CYP3A7: variants seen among roughly 807,000 people sequenced by gnomAD.
The protein encoded by CYP3A7 is cytochrome P450 family 3 subfamily A member 7.
CYP3A7 carries 45 observed loss-of-function variants against 55.2 expected under a neutral mutation model. The ratio of observed to expected loss-of-function variants is 0.82; its 90% CI spans 0.64 to 1.05. The LOEUF (loss-of-function observed/expected upper bound fraction) is 1.05, where lower values mean the gene tolerates loss of function less well. CYP3A7 is among the 50% of genes least tolerant of loss of function. The pLI is 0.00. For synonymous variants in CYP3A7, 180 were observed against 207.4 expected (o/e 0.87, Z 1.13); for missense variants, 548 against 605.3 (o/e 0.91, Z 0.99).
At chr7:99,713,403 A>G (rs1170923021) in intron 9 of CYP3A7, 66 bp downstream of exon 9, 2 of 1,606,696 alleles carry the variant, frequency 1.2e-6, no homozygotes, top group African/African-American at 1.3e-5. Flanking sequence ...CTTCCTGCAC[A>G]TTTTCAGAAC....
At chr7:99,711,726 C>G (rs1025319088) in intron 9 of CYP3A7, among the ~76,000 whole-genome samples, 3 of 152,168 alleles carry the variant, frequency 2.0e-5, no homozygotes, top group African/African-American at 7.2e-5. Context: ...TGAGATCATG[C>G]CATTGCACTC....
At chr7:99,725,631 G>C (rs368764344) in intron 2 of CYP3A7, among the ~76,000 whole-genome samples, 5 of 152,344 alleles carry the variant, frequency 3.3e-5, no homozygotes, top group African/African-American at 1.2e-4. Flanking sequence ...TCCAATTAGA[G>C]GTTGGACTGT....
chr7:99,708,035 G>A, intron 11 of CYP3A7, 61 bp from the exon 12 acceptor site: 1 of 1,611,800 alleles, frequency 6.2e-7, no homozygotes, highest in South Asian at 1.1e-5. Flanking sequence ...AGAGTTACAT[G>A]TTAGGGTTTC....
intron 11 of CYP3A7, 29 bp downstream of exon 11, chr7:99,709,006 G>T (rs1301749178): frequency 6.2e-7 from 1 of 1,613,344 alleles, no homozygotes; most frequent in Non-Finnish European, 8.5e-7. Context: ...GCTGGTTCAG[G>T]GAGGGCTCCC....
chr7:99,718,530 A>G (rs565597774), intron 4 of CYP3A7, among the ~76,000 whole-genome samples: 7 of 152,282 alleles, frequency 4.6e-5, no homozygotes, highest in South Asian at 2.1e-4. Context: ...AGGGAGAGAA[A>G]ATTCCTCCAT....
At chr7:99,723,603 G>C (rs1475392519) in intron 2 of CYP3A7, among the ~76,000 whole-genome samples, 1 of 152,212 alleles carries the variant, frequency 6.6e-6, no homozygotes, top group South Asian at 2.1e-4. Flanking sequence ...GGGACAGGGG[G>C]ACTCCTTCGG....
At chr7:99,709,788 G>GTA (rs1554428994) in intron 10 of CYP3A7, among the ~76,000 whole-genome samples, 11 of 150,326 alleles carry the variant, frequency 7.3e-5, no homozygotes, top group East Asian at 5.8e-4. Flanking sequence ...GTGTGTGTGT[G>GTA]TATATATATA....
intron 4 of CYP3A7, among the ~76,000 whole-genome samples, 164 bp downstream of exon 4, chr7:99,720,149 G>C (rs1445750533): frequency 2.6e-5 from 4 of 152,158 alleles, no homozygotes; most frequent in Non-Finnish European, 5.9e-5. Flanking sequence ...TGTATTTATA[G>C]TTATGCAAGA....
intron 3 of CYP3A7, chr7:99,720,716 G>A (rs1814165885): frequency 6.4e-6 from 2 of 311,362 alleles, no homozygotes; most frequent in South Asian, 4.2e-5. Context: ...GCTGGGTGGT[G>A]CATACATGGG....
intron 2 of CYP3A7, among the ~76,000 whole-genome samples, chr7:99,725,078 A>C (rs1274531989): frequency 6.6e-6 from 1 of 152,098 alleles, no homozygotes; most frequent in Non-Finnish European, 1.5e-5. Context: ...GTGAGATTAC[A>C]TGGTCTCCTG....
chr7:99,705,652 A>G lies in CYP3A7; in HGVS notation c.1417-57T>C, dbSNP rs536118849. The G allele has an allele frequency of 2.6e-4, 417 of 1,597,414 alleles. 1 individual carries two copies. Among genetic ancestry groups the G allele is most frequent in the Non-Finnish European group, 3.2e-4 (372 of 1,168,678 alleles). ...ATTAAATAAAGCAAAAGTAGAAAGT[A>G]TAGCATCAAAGTAAAAAAAAATTAC... On this transcript the variant is annotated intron_variant, in intron 12 of 12. Coordinates refer to ENST00000336374, the MANE Select transcript of CYP3A7 (RefSeq NM_000765.5).
Position 99,714,647 on chromosome 7 carries a change from A to T in CYP3A7, c.706T>A (p.Leu236Ile), listed in dbSNP as rs767521204. The change falls in exon 8 of 13, where the codon TTA (leucine) becomes ATA (isoleucine). Residue 236 changes from leucine to isoleucine, a missense_variant. By Grantham distance (5) the Leu-to-Ile change is conservative (BLOSUM62 2). Coordinates refer to ENST00000336374, the MANE Select transcript of CYP3A7 (RefSeq NM_000765.5). ...FPFLTPILEA[L>I]NITVFPRKVI... ...TTTCTTGGAAACACAGTGATATTTA[A>T]TGCTTCAAGAATTGGGGTAAGGAAT... The T allele has an allele frequency of 6.2e-6, 10 of 1,612,558 alleles. No homozygotes were observed. In the South Asian group the frequency reaches 1.1e-4, roughly 18 times the overall value.
chr7:99,731,749 G>A (rs1442484015), intron 1 of CYP3A7, among the ~76,000 whole-genome samples: 2 of 152,072 alleles, frequency 1.3e-5, no homozygotes, highest in Non-Finnish European at 2.9e-5. Flanking sequence ...GGTCTTGGAG[G>A]AGTCACAGAG....
intron 2 of CYP3A7, among the ~76,000 whole-genome samples, chr7:99,723,234 T>A (rs543233520): frequency 6.6e-6 from 1 of 152,038 alleles, no homozygotes; most frequent in Non-Finnish European, 1.5e-5. Flanking sequence ...AACAGCCAGC[T>A]CCTGTCTTAA....
intron 7 of CYP3A7, chr7:99,715,420 A>G: frequency 3.1e-6 from 1 of 324,894 alleles, no homozygotes; most frequent in South Asian, 3.0e-5. Flanking sequence ...ACTAAAGTAC[A>G]AATTCATGAA....
At chr7:99,709,009 G>C (rs747623071) in intron 11 of CYP3A7, 26 bp downstream of exon 11, 2 of 1,613,456 alleles carry the variant, frequency 1.2e-6, no homozygotes, top group African/African-American at 2.7e-5. Context: ...GGTTCAGGGA[G>C]GGCTCCCTTC....
chr7:99,720,696 C>T, intron 3 of CYP3A7: 1 of 358,780 alleles, frequency 2.8e-6, no homozygotes, highest in Non-Finnish European at 5.2e-6. Flanking sequence ...GACAGGAGAG[C>T]ATTTGTTAAG....
chr7:99,732,721 G>C (rs1370506224), intron 1 of CYP3A7, among the ~76,000 whole-genome samples: 1 of 152,166 alleles, frequency 6.6e-6, no homozygotes, highest in African/African-American at 2.4e-5. Flanking sequence ...AGTCCCACAA[G>C]CTTGGCCCCA....
chr7:99,708,599 G>A (rs1375599387), intron 11 of CYP3A7, among the ~76,000 whole-genome samples: 6 of 152,072 alleles, frequency 3.9e-5, no homozygotes, highest in South Asian at 2.1e-4. Context: ...GGAAAGCAGT[G>A]TCATCACTGC....
Sources: allele counts gnomAD v4.1 joint callset (sites outside exome capture counted in the v4.1 genomes callset), GRCh38; gene constraint gnomAD v4.1.1; transcripts MANE v1.5; gene names NCBI Gene and HGNC (gene_info 2026-07-23, HGNC 2026-07-21).